IGFN1: variants seen among roughly 807,000 people sequenced by gnomAD.
IGFN1 encodes the protein immunoglobulin like and fibronectin type III domain containing 1.
In IGFN1, 253 loss-of-function variants were observed where a neutral mutation model predicts 289.5. That is an observed-to-expected ratio of 0.87 (90% confidence interval 0.79 to 0.97). The LOEUF (loss-of-function observed/expected upper bound fraction) is 0.97, where lower values mean the gene tolerates loss of function less well. Among genes scored for constraint, IGFN1 ranks in the 50% least tolerant of loss-of-function variants. The pLI is 0.00. For synonymous variants in IGFN1, 1,706 were observed against 1,788.5 expected (o/e 0.95, Z 1.16); for missense variants, 4,470 against 4,686.1 (o/e 0.95, Z 1.35).
intron 23 of IGFN1, among the ~76,000 whole-genome samples, chr1:201,227,521 G>C (rs1654190107): frequency 6.6e-6 from 1 of 151,520 alleles, no homozygotes; most frequent in African/African-American, 2.4e-5. Flanking sequence ...TCCACCTCCT[G>C]GATTCAAGAG....
At position 201,211,157 on chromosome 1, in the gene IGFN1, C is replaced by T. The variant is rs768472694; in HGVS notation, c.6264C>T (p.Phe2088=). 151 of 1,499,332 alleles carry T rather than the reference C, an allele frequency of 1.0e-4. No homozygotes were observed. The highest frequency in any genetic ancestry group is 3.4e-4 in the Middle Eastern group (2 of 5,848). 92.9% of individuals were successfully genotyped at this position (1,499,332 alleles called of 1,614,324 possible). A position where few individuals can be genotyped will look rare whatever the true frequency, so the allele number is the denominator to read the frequency against. The change falls in exon 12 of 24, where the codon TTC becomes TTT. Residue 2088 remains phenylalanine (F), a synonymous_variant. Coordinates refer to ENST00000335211, the MANE Select transcript of IGFN1 (RefSeq NM_001164586.2). ...TGGGTTCAGGGAGTAAGACAGGTTT[C>T]AGGGATGGTTTAGGGGGTTCTGAAG... ...KGMGSGSKTG[F]RDGLGGSEEM...
At chr1:201,225,280 C>CA (rs1381179853) in intron 21 of IGFN1, among the ~76,000 whole-genome samples, 1 of 152,238 alleles carries the variant, frequency 6.6e-6, no homozygotes, top group Non-Finnish European at 1.5e-5. Context: ...GGAGGAGCTT[C>CA]TGGATATCCA....
chr1:201,198,903 T>C (rs1667027210), intron 5 of IGFN1, among the ~76,000 whole-genome samples: 1 of 152,210 alleles, frequency 6.6e-6, no homozygotes, highest in Admixed American at 6.5e-5. Context: ...GGCTGCAGGA[T>C]TAGCCAAACA....
In IGFN1 at chr1:201,211,936, G is replaced by T. The variant is rs990983817; in HGVS notation, c.7043G>T (p.Gly2348Val). 28 of 1,527,746 alleles carry T rather than the reference G, an allele frequency of 1.8e-5. No homozygotes were observed. The highest frequency in any genetic ancestry group is 2.1e-5 in the Non-Finnish European group (24 of 1,142,058). 94.6% of individuals were successfully genotyped at this position (1,527,746 alleles called of 1,614,324 possible). A position where few individuals can be genotyped will look rare whatever the true frequency, so the allele number is the denominator to read the frequency against. Residue 2348 changes from glycine to valine, a missense_variant, in exon 12 of 24, where the codon GGG (glycine) becomes GTG (valine). Physicochemically the swap from Gly to Val is moderately radical, Grantham distance 109 (BLOSUM62 -3). Around this residue, in one of 8 missense-constraint regions of IGFN1, gnomAD observed 2,218 missense variants for 2,114.1 expected, o/e 1.05. Transcript: ENST00000335211. ...TATAGAGGAGGCTCAGGAGGATCTG[G>T]GGAAACGGGACCAGAGGGTAAGATG... ...VSYRGGSGGS[G>V]ETGPEGKMGY...
Position 201,211,928 on chromosome 1 carries a change from A to T in IGFN1, c.7035A>T (p.Gly2345=). 6.5e-7 allele frequency: 1 copy of T among 1,527,212 alleles called. No individual in the cohort carries two copies. 94.6% of individuals were successfully genotyped at this position (1,527,212 alleles called of 1,614,324 possible). A position where few individuals can be genotyped will look rare whatever the true frequency, so the allele number is the denominator to read the frequency against. The change falls in exon 12 of 24, where the codon GGA becomes GGT. Residue 2345 remains glycine (G), a synonymous_variant. Transcript: ENST00000335211. ...AGGTCAGTTATAGAGGAGGCTCAGGAGGATCTGGGGAAACGGGACCAGAGG... is the reference window on the plus strand; with the variant it reads ...AGGTCAGTTATAGAGGAGGCTCAGGTGGATCTGGGGAAACGGGACCAGAGG... The part of the protein sequence containing the change: ...GSEVSYRGGS[G]GSGETGPEGK...
Position 201,211,687 on chromosome 1 carries a change from A to C in IGFN1, c.6794A>C (p.Tyr2265Ser), listed in dbSNP as rs1284437342. 3.9e-6 allele frequency: 6 copies of C among 1,537,062 alleles called. No individual in the cohort carries two copies. The highest frequency in any genetic ancestry group is 5.2e-6 in the Non-Finnish European group (6 of 1,146,816). Residue 2265 changes from tyrosine (Y) to serine (S), a missense_variant, in exon 12 of 24, where the codon TAC (tyrosine) becomes TCC (serine). Physicochemically the swap from Tyr to Ser is moderately radical, Grantham distance 144. This residue lies in a region of IGFN1 where 2,218 missense variants were observed against 2,114.1 expected (regional missense o/e 1.05). Transcript: ENST00000335211. Reference protein sequence around the residue: ...GAPEEMGSGSYTDYRNGLGSS... With the variant: ...GAPEEMGSGSSTDYRNGLGSS... ...CCTGAGGAAATGGGTTCAGGCAGTT[A>C]CACAGATTACAGGAATGGTTTAGGC...
chr1:201,206,770 A>C lies in IGFN1; in HGVS notation c.1877A>C (p.Gln626Pro), dbSNP rs1048863275. 8.5e-6 allele frequency: 13 copies of C among 1,536,762 alleles called. No individual in the cohort carries two copies. In the African/African-American group the frequency reaches 1.2e-4, roughly 15 times the overall value. The change falls in exon 12 of 24, where the codon CAG becomes CCG. Residue 626 changes from glutamine (Q) to proline (P), a missense_variant. Coordinates refer to ENST00000335211, the MANE Select transcript of IGFN1 (RefSeq NM_001164586.2). The part of the protein sequence containing the change: ...DPVGSWPRGK[Q>P]IEISQDDSLA... The stretch of plus-strand genomic sequence containing the variant: ...GTAGGGTCCTGGCCAAGAGGAAAGC[A>C]GATAGAGATTTCACAGGATGACAGC...
intron 9 of IGFN1, among the ~76,000 whole-genome samples, chr1:201,202,130 G>A (rs549818814): frequency 7.9e-5 from 12 of 152,250 alleles, no homozygotes; most frequent in African/African-American, 2.6e-4. Flanking sequence ...CTGAGAAAGT[G>A]CACCCCTTTC....
intron 15 of IGFN1, chr1:201,216,098 G>T (rs1375772462): frequency 2.9e-6 from 2 of 687,976 alleles, no homozygotes; most frequent in Non-Finnish European, 5.4e-6. Context: ...CCCTCAGGAA[G>T]TTGCTGGGTA....
chr1:201,218,487 C>T (rs1460990155), intron 17 of IGFN1, 43 bp from the exon 18 acceptor site: 1 of 1,592,606 alleles, frequency 6.3e-7, no homozygotes, highest in Admixed American at 1.7e-5. Flanking sequence ...TCCCCATGTC[C>T]AGCACCATCA....
chr1:201,211,278 G>T lies in IGFN1; in HGVS notation c.6385G>T (p.Gly2129Trp). The T allele has an allele frequency of 6.5e-7, 1 of 1,531,416 alleles. No individual in the cohort carries two copies. Among genetic ancestry groups the T allele is most frequent in the Non-Finnish European group, 8.7e-7 (1 of 1,143,696 alleles). The allele number at this position is 1,531,416 out of a possible 1,614,324, so 94.9% of individuals were successfully genotyped here. The change falls in exon 12 of 24, where the codon GGG becomes TGG. Residue 2129 changes from glycine (G) to tryptophan (W), a missense_variant. Around this residue, in one of 8 missense-constraint regions of IGFN1, gnomAD observed 2,218 missense variants for 2,114.1 expected, o/e 1.05. Coordinates refer to ENST00000335211, the MANE Select transcript of IGFN1 (RefSeq NM_001164586.2). The part of the protein sequence containing the change: ...GSKAGFRDGL[G>W]SSTEMGSVNE... ...TAAGGCAGGTTTTAGGGATGGTTTA[G>T]GGAGTTCTACAGAAATGGGGTCAGT... is the stretch of plus-strand genomic sequence containing the variant.
chr1:201,193,314 T>A lies in IGFN1; in HGVS notation c.7+14T>A, dbSNP rs1200681555. 1.3e-6 allele frequency: 2 copies of A among 1,538,350 alleles called. No individual in the cohort carries two copies. Among genetic ancestry groups the A allele is most frequent in the Non-Finnish European group, 1.8e-6 (2 of 1,134,708 alleles). On this transcript the variant is annotated intron_variant, in intron 2 of 23. Transcript: ENST00000335211. Reference sequence around the variant, plus strand: ...GAACTATGGCAGGTAAGAGAAGAACTAATCTCCCCTCCCCAGCCCTCCCTG... The same window carrying A: ...GAACTATGGCAGGTAAGAGAAGAACAAATCTCCCCTCCCCAGCCCTCCCTG...
At position 201,210,813 on chromosome 1, in the gene IGFN1, T is replaced by A. The variant is rs1667723647; in HGVS notation, c.5920T>A (p.Ser1974Thr). Residue 1974 changes from serine to threonine, a missense_variant, in exon 12 of 24, where the codon TCA becomes ACA. Around this residue, in one of 8 missense-constraint regions of IGFN1, gnomAD observed 108 missense variants for 128.7 expected, o/e 0.84. Transcript: ENST00000335211. ...KDLGAPKGMGSGSKEGFRDGL... is the reference protein window; with the variant it reads ...KDLGAPKGMGTGSKEGFRDGL... ...TTTGGGGGCTCCTAAGGGAATGGGTTCAGGGAGTAAGGAAGGTTTCAGGGA... is the reference window on the plus strand; with the variant it reads ...TTTGGGGGCTCCTAAGGGAATGGGTACAGGGAGTAAGGAAGGTTTCAGGGA... 3.9e-6 allele frequency: 6 copies of A among 1,533,310 alleles called. No homozygotes were observed. The African/African-American group carries it at 7.0e-5, about 18-fold the overall frequency. The allele number at this position is 1,533,310 out of a possible 1,614,324, so 95.0% of individuals were successfully genotyped here.
intron 19 of IGFN1, 149 bp from the exon 20 acceptor site, chr1:201,222,590 C>T (rs1219792574): frequency 5.3e-6 from 3 of 563,558 alleles, no homozygotes; most frequent in Non-Finnish European, 9.8e-6. Flanking sequence ...CAGCTGTACT[C>T]CAGTCCTTTA....
chr1:201,207,199 G>A lies in IGFN1; in HGVS notation c.2306G>A (p.Ser769Asn), dbSNP rs1667466763. ...ICRGESVVTG[S>N]AYKTGPGGPG... The stretch of plus-strand genomic sequence containing the variant: ...CGGGGGGAGTCTGTAGTTACAGGAA[G>A]TGCCTACAAAACTGGCCCTGGAGGC... Residue 769 changes from serine (S) to asparagine (N), a missense_variant, in exon 12 of 24, where the codon AGT becomes AAT. Ser to Asn is a conservative substitution (Grantham distance 46, BLOSUM62 1). This residue lies in a region of IGFN1 where 2,011 missense variants were observed against 1,953.4 expected (regional missense o/e 1.03). Transcript: ENST00000335211. The A allele has an allele frequency of 6.5e-7, 1 of 1,536,924 alleles. No homozygotes were observed. Among genetic ancestry groups the A allele is most frequent in the African/African-American group, 1.4e-5 (1 of 73,136 alleles).
In IGFN1 at chr1:201,211,511, G is replaced by T; in HGVS notation, c.6618G>T (p.Met2206Ile). The T allele has an allele frequency of 6.7e-7, 1 of 1,502,796 alleles. No homozygotes were observed. Among genetic ancestry groups the T allele is most frequent in the Non-Finnish European group, 8.9e-7 (1 of 1,127,438 alleles). The allele number at this position is 1,502,796 out of a possible 1,614,324, so 93.1% of individuals were successfully genotyped here. A position where few individuals can be genotyped will look rare whatever the true frequency, so the allele number is the denominator to read the frequency against. The change falls in exon 12 of 24, where the codon ATG becomes ATT. Residue 2206 changes from methionine (M) to isoleucine (I), a missense_variant. Physicochemically the swap from Met to Ile is conservative, Grantham distance 10 (BLOSUM62 1). Transcript: ENST00000335211. Reference sequence around the variant, plus strand: ...ATGGTTTAGGGGGTTCTGAAGAAATGGGGTCAGTGAATAAGGCAGGTTATA... The same window carrying T: ...ATGGTTTAGGGGGTTCTGAAGAAATTGGGTCAGTGAATAAGGCAGGTTATA... ...FRDGLGGSEE[M>I]GSVNKAGYRK...
chr1:201,197,911 A>T (rs766208862), intron 5 of IGFN1, among the ~76,000 whole-genome samples: 4 of 152,214 alleles, frequency 2.6e-5, no homozygotes, highest in Non-Finnish European at 5.9e-5. Context: ...ACGATATTTC[A>T]TTCCTTCACA....
intron 9 of IGFN1, among the ~76,000 whole-genome samples, chr1:201,202,810 C>CA (rs1667226935): frequency 7.4e-6 from 1 of 135,014 alleles, no homozygotes; most frequent in African/African-American, 2.8e-5. Flanking sequence ...GCCTGGAGTG[C>CA]AGTGGTGCAA....
chr1:201,223,463 C>T (rs930684191), intron 20 of IGFN1, among the ~76,000 whole-genome samples: 4 of 152,082 alleles, frequency 2.6e-5, no homozygotes, highest in South Asian at 2.1e-4. Context: ...CTCCACCTCC[C>T]GGGTTCTAGC....
Sources: allele counts gnomAD v4.1 joint callset (sites outside exome capture counted in the v4.1 genomes callset), GRCh38; gene constraint gnomAD v4.1.1; regional missense constraint gnomAD v4.1.1; transcripts MANE v1.5; gene names NCBI Gene and HGNC (gene_info 2026-07-23, HGNC 2026-07-21).